Variants in RPAP1 observed in about 807,000 individuals in gnomAD.
RPAP1 encodes RNA polymerase II-associated protein 1.
In RPAP1, 109 loss-of-function variants were observed where a neutral mutation model predicts 142.4. The ratio of observed to expected loss-of-function variants is 0.77; its 90% CI spans 0.66 to 0.90. The LOEUF (loss-of-function observed/expected upper bound fraction) is 0.90, where lower values mean the gene tolerates loss of function less well. Ranked by LOEUF, RPAP1 falls within the 40% of genes least tolerant of loss-of-function variation. RPAP1 has a pLI of 0.00. For synonymous variants in RPAP1, 704 were observed against 738.9 expected (o/e 0.95, Z 0.77); for missense variants, 1,546 against 1,751.7 (o/e 0.88, Z 2.10).
chr15:41,540,046 TAATAA>T (rs756735581), intron 1 of RPAP1, among the ~76,000 whole-genome samples: 19 of 151,768 alleles, frequency 1.3e-4, no homozygotes, highest in Non-Finnish European at 2.4e-4. Context: ...AAAATAATAA[TAATAA>T]AATAAAATGA....
Position 41,526,935 on chromosome 15 carries a change from A to C in RPAP1, c.1880T>G (p.Val627Gly). 6.2e-7 allele frequency: 1 copy of C among 1,614,014 alleles called. No individual in the cohort carries two copies. ...AATATTCCTCCCAGCTGAGGCCAGG[A>C]CACGAAGTAGTTTCATGGCAGTAGC... Reference protein sequence around the residue: ...PCATAMKLLRVLASAGRNIAA... With the variant: ...PCATAMKLLRGLASAGRNIAA... The change falls in exon 14 of 25, where the codon GTC becomes GGC. Residue 627 changes from valine (V) to glycine (G), a missense_variant. This residue lies in a region of RPAP1 where 1,333 missense variants were observed against 1,486.6 expected (regional missense o/e 0.90). Transcript: ENST00000304330.
intron 17 of RPAP1, 24 bp downstream of exon 17, chr15:41,523,747 G>C: frequency 1.3e-6 from 2 of 1,567,674 alleles, no homozygotes; most frequent in Non-Finnish European, 1.7e-6. Context: ...GGGGCCTGGT[G>C]GACAGCCGGC....
chr15:41,523,365 A>G lies in RPAP1; in HGVS notation c.2437-11T>C, dbSNP rs2051751329. On this transcript the variant is annotated splice_polypyrimidine_tract_variant and intron_variant, in intron 17 of 24. Coordinates refer to ENST00000304330, the MANE Select transcript of RPAP1 (RefSeq NM_015540.4). ...CGGGCATGAGCTTGGCTGGTGGACC[A>G]AGGAATTCACTGAGCTGATGGCCCA... The G allele has an allele frequency of 6.5e-7, 1 of 1,541,456 alleles. No individual in the cohort carries two copies. The highest frequency in any genetic ancestry group is 8.9e-7 in the Non-Finnish European group (1 of 1,124,386).
chr15:41,518,268 C>G (rs1225642885), intron 22 of RPAP1, 86 bp from the exon 23 acceptor site: 27 of 1,187,274 alleles, frequency 2.3e-5, no homozygotes, highest in Non-Finnish European at 3.0e-5. Flanking sequence ...CACATGAAAC[C>G]AAATCATGAG....
Position 41,531,046 on chromosome 15 carries a change from T to C in RPAP1, c.920A>G (p.Asp307Gly). 6.2e-7 allele frequency: 1 copy of C among 1,612,572 alleles called. No homozygotes were observed. The highest frequency in any genetic ancestry group is 2.2e-5 in the East Asian group (1 of 44,840). ...SAFASEPRKR[D>G]KLEPEAPALA... Reference sequence around the variant, plus strand: ...ACCTGGGGCTTCTGGCTCCAGCTTGTCTCTCTTCCTGGGCTCACTGGCAAA... The same window carrying C: ...ACCTGGGGCTTCTGGCTCCAGCTTGCCTCTCTTCCTGGGCTCACTGGCAAA... The change falls in exon 7 of 25, where the codon GAC becomes GGC. Residue 307 changes from aspartate (D) to glycine (G), a missense_variant. By Grantham distance (94) the Asp-to-Gly change is moderately conservative. This residue lies in a region of RPAP1 where 1,333 missense variants were observed against 1,486.6 expected (regional missense o/e 0.90). Coordinates refer to ENST00000304330, the MANE Select transcript of RPAP1 (RefSeq NM_015540.4).
In RPAP1 at chr15:41,534,694, G is replaced by C; in HGVS notation, c.763+20C>G. 6.2e-7 allele frequency: 1 copy of C among 1,600,162 alleles called. No individual in the cohort carries two copies. The highest frequency in any genetic ancestry group is 8.6e-7 in the Non-Finnish European group (1 of 1,169,376). On this transcript the variant is annotated intron_variant, in intron 6 of 24. Transcript: ENST00000304330. ...TTCCTCTCCTAGCCTGGTCTCAGCA[G>C]GAAAGCCAGGCACCCATACCAAGCT... is the stretch of plus-strand genomic sequence containing the variant.
chr15:41,523,733 T>C (rs1380525156), intron 17 of RPAP1, 38 bp downstream of exon 17: 6 of 1,536,098 alleles, frequency 3.9e-6, no homozygotes, highest in Non-Finnish European at 5.3e-6. Context: ...GAAGGCAGGG[T>C]GCGGGGGCCT....
At position 41,529,888 on chromosome 15, in the gene RPAP1, AG is replaced by A; in HGVS notation, c.1034del (p.Pro345LeufsTer54). The A allele has an allele frequency of 6.2e-7, 1 of 1,611,746 alleles. No individual in the cohort carries two copies. The highest frequency in any genetic ancestry group is 8.5e-7 in the Non-Finnish European group (1 of 1,178,858). On this transcript the variant is annotated frameshift_variant, in exon 8 of 25. Coordinates refer to ENST00000304330, the MANE Select transcript of RPAP1 (RefSeq NM_015540.4). LOFTEE classifies it high-confidence loss of function. ...EKLHWTQDLP[P>X]VRRQQTQERM... ...CCTCCTGTGTCTGCTGCCGCCGGAC[AG>A]GGGGCAAGTCCTGGGTCCAGTGGAG...
intron 7 of RPAP1, 32 bp downstream of exon 7, chr15:41,530,991 C>A: frequency 6.3e-7 from 1 of 1,584,316 alleles, no homozygotes; most frequent in South Asian, 1.1e-5. Context: ...CTACTTTTAT[C>A]CACCAAAATA....
intron 6 of RPAP1, chr15:41,533,415 G>A (rs12595022): frequency 0.42 from 63,577 of 152,094 alleles, 14,703 homozygotes; most frequent in South Asian, 0.53. Context: ...AGGTTGCAGT[G>A]AGCCGAGATC....
At position 41,521,130 on chromosome 15, in the gene RPAP1, C is replaced by G; in HGVS notation, c.3056G>C (p.Gly1019Ala). The G allele has an allele frequency of 6.6e-7, 1 of 1,513,070 alleles. No homozygotes were observed. Among genetic ancestry groups the G allele is most frequent in the South Asian group, 1.3e-5 (1 of 74,718 alleles). The allele number at this position is 1,513,070 out of a possible 1,614,324, so 93.7% of individuals were successfully genotyped here. A position where few individuals can be genotyped will look rare whatever the true frequency, so the allele number is the denominator to read the frequency against. The change falls in exon 22 of 25, where the codon GGT (glycine) becomes GCT (alanine). Residue 1019 changes from glycine (G) to alanine (A), a missense_variant. Coordinates refer to ENST00000304330, the MANE Select transcript of RPAP1 (RefSeq NM_015540.4). ...LEFLPERTSG[G>A]PEAADFSDQL... ...GTCAGAGAAGTCGGCTGCCTCTGGA[C>G]CCCCTGATGTTCTTTCCCTGTAATG...
Position 41,524,241 on chromosome 15 carries a change from C to A in RPAP1, c.2089G>T (p.Val697Leu). ...GGYLYRELYP[V>L]LMRALQVVPR... Reference sequence around the variant, plus strand: ...ACCACCTGCAAGGCCCGCATCAGCACTGGGTAGAGCTCCCTAGGGAAGAAC... The same window carrying A: ...ACCACCTGCAAGGCCCGCATCAGCAATGGGTAGAGCTCCCTAGGGAAGAAC... The change falls in exon 16 of 25, where the codon GTG becomes TTG. Residue 697 changes from valine to leucine, a missense_variant. Val to Leu is a conservative substitution (Grantham distance 32). Around this residue, in one of 3 missense-constraint regions of RPAP1, gnomAD observed 1,333 missense variants for 1,486.6 expected, o/e 0.90. Coordinates refer to ENST00000304330, the MANE Select transcript of RPAP1 (RefSeq NM_015540.4). 1 of 1,529,256 alleles carries A rather than the reference C, an allele frequency of 6.5e-7. No homozygotes were observed. The highest frequency in any genetic ancestry group is 8.8e-7 in the Non-Finnish European group (1 of 1,139,086). 94.7% of individuals were successfully genotyped at this position (1,529,256 alleles called of 1,614,324 possible). A position where few individuals can be genotyped will look rare whatever the true frequency, so the allele number is the denominator to read the frequency against.
At chr15:41,538,029 G>A (rs774711828) in intron 1 of RPAP1, among the ~76,000 whole-genome samples, 3 of 152,152 alleles carry the variant, frequency 2.0e-5, no homozygotes, top group Non-Finnish European at 4.4e-5. Flanking sequence ...GGATTATGAG[G>A]TCAGGAGATC....
chr15:41,537,248 C>A, intron 1 of RPAP1, 47 bp from the exon 2 acceptor site: 1 of 937,636 alleles, frequency 1.1e-6, no homozygotes, highest in Non-Finnish European at 1.6e-6. Context: ...AACCCTGATT[C>A]TCTTTATTGG....
intron 11 of RPAP1, 93 bp from the exon 12 acceptor site, chr15:41,527,698 G>A (rs1200346): frequency 1.4e-6 from 2 of 1,469,730 alleles, no homozygotes; most frequent in Non-Finnish European, 1.8e-6. Flanking sequence ...AAACCATAAA[G>A]GCAAGCCTCC....
chr15:41,542,496 T>C lies in RPAP1; in HGVS notation c.-77+1723A>G, dbSNP rs149287510. Among the ~76,000 whole-genome samples the C allele has an allele frequency of 3.9e-5, 6 of 152,362 alleles. No homozygotes were observed. The East Asian group carries it at 1.2e-3, about 29-fold the overall frequency. On this transcript the variant is annotated intron_variant, in intron 1 of 24. Transcript: ENST00000304330. ...TGGATGAAGTGAGCAAAGACCTGTC[T>C]ACAAAATTTCATCTTAAATTTGGCA... is the stretch of plus-strand genomic sequence containing the variant.
rs1460420667 is a variant in RPAP1 at position 41,527,447 on chromosome 15, G to A, written c.1587C>T (p.Asp529=). 2 of 1,614,124 alleles carry A rather than the reference G, an allele frequency of 1.2e-6. No homozygotes were observed. The highest frequency in any genetic ancestry group is 1.7e-6 in the Non-Finnish European group (2 of 1,180,046). ...CCTTGATGACATCATGTCGGGCCAG[G>A]TCAGGTGGAGGCCGGCTTTCTTCTT... The part of the protein sequence containing the change: ...SPEEESRPPP[D]LARHDVIKGL... The change falls in exon 12 of 25, where the codon GAC becomes GAT. Residue 529 remains aspartate (D), a synonymous_variant. Coordinates refer to ENST00000304330, the MANE Select transcript of RPAP1 (RefSeq NM_015540.4).
At chr15:41,530,125 C>T (rs11632399) in intron 7 of RPAP1, 146 bp from the exon 8 acceptor site, 337,201 of 658,464 alleles carry the variant, frequency 0.51, 87,957 homozygotes, top group African/African-American at 0.64. Context: ...ATGGCATGGC[C>T]CAGGGACTGG....
chr15:41,523,650 A>C (rs1274395758), intron 17 of RPAP1, 121 bp downstream of exon 17: 2 of 895,366 alleles, frequency 2.2e-6, no homozygotes, highest in Non-Finnish European at 3.5e-6. Flanking sequence ...AGGAATTAAA[A>C]GGGAAGATAG....
Sources: allele counts gnomAD v4.1 joint callset (sites outside exome capture counted in the v4.1 genomes callset), GRCh38; gene constraint gnomAD v4.1.1; regional missense constraint gnomAD v4.1.1; transcripts MANE v1.5; gene names NCBI Gene and HGNC (gene_info 2026-07-23, HGNC 2026-07-21).